Variants in CHRM3 observed in about 807,000 individuals in gnomAD.
CHRM3 encodes cholinergic receptor muscarinic 3.
In CHRM3, 11 loss-of-function variants were observed where a neutral mutation model predicts 41.8. The observed-to-expected ratio is 0.26, with a 90% CI of 0.17 to 0.44. The LOEUF (loss-of-function observed/expected upper bound fraction) is 0.44. CHRM3 is among the 20% of genes least tolerant of loss of function. CHRM3 has a pLI of 1.00. For missense variants in CHRM3, 571 were observed against 745.4 expected, an observed-to-expected ratio of 0.77 and a Z score of 2.72; for synonymous variants, 297 against 301.4, an observed-to-expected ratio of 0.99 and a Z score of 0.15.
chr1:239,670,563 T>C (rs1274758866), intron 4 of CHRM3, among the ~76,000 whole-genome samples: 2 of 152,050 alleles, frequency 1.3e-5, no homozygotes, highest in African/African-American at 2.4e-5. Context: ...CAGGCTGGAG[T>C]GCAGTGACAT....
intron 3 of CHRM3, among the ~76,000 whole-genome samples, chr1:239,628,255 A>G (rs1231369785): frequency 7.0e-5 from 3 of 42,588 alleles, no homozygotes; most frequent in African/African-American, 4.7e-4. Context: ...CATTCATTTC[A>G]TCTTCCATTG....
intron 5 of CHRM3, among the ~76,000 whole-genome samples, chr1:239,758,218 T>G (rs1296458085): frequency 6.6e-6 from 1 of 152,188 alleles, no homozygotes; most frequent in Non-Finnish European, 1.5e-5. Context: ...AATAAATGTC[T>G]CAAAATATTA....
intron 6 of CHRM3, among the ~76,000 whole-genome samples, chr1:239,844,800 T>G (rs1361091779): frequency 6.6e-6 from 1 of 152,102 alleles, no homozygotes; most frequent in Non-Finnish European, 1.5e-5. Context: ...GGCATAGCAG[T>G]TAGTCACCCC....
intron 2 of CHRM3, among the ~76,000 whole-genome samples, chr1:239,508,301 T>G (rs1236823213): frequency 6.6e-6 from 1 of 152,160 alleles, no homozygotes; most frequent in Admixed American, 6.5e-5. Context: ...AGCTCTGTAT[T>G]TCAGTATTTT....
intron 3 of CHRM3, among the ~76,000 whole-genome samples, chr1:239,559,704 T>C (rs1660686777): frequency 6.6e-6 from 1 of 152,214 alleles, no homozygotes; most frequent in Non-Finnish European, 1.5e-5. Flanking sequence ...TGTTATTAGA[T>C]GATGGTGACA....
At chr1:239,807,288 T>C (rs1173182546) in intron 5 of CHRM3, among the ~76,000 whole-genome samples, 1 of 152,222 alleles carries the variant, frequency 6.6e-6, no homozygotes, top group Non-Finnish European at 1.5e-5. Context: ...TCTTCTGGCC[T>C]TTTTATTATT....
chr1:239,580,704 T>TATATATATATACACACAC (rs570878631), intron 3 of CHRM3, among the ~76,000 whole-genome samples: 2 of 131,086 alleles, frequency 1.5e-5, no homozygotes, highest in African/African-American at 5.7e-5. Context: ...TATATATATA[T>TATATATATATACACACAC]ACACACACAC....
chr1:239,823,759 G>T (rs894991838), intron 5 of CHRM3, among the ~76,000 whole-genome samples: 18 of 152,032 alleles, frequency 1.2e-4, no homozygotes, highest in African/African-American at 4.1e-4. Context: ...CAATAGAACA[G>T]AAGACCCTTT....
At chr1:239,580,793 A>G (rs1662831478) in intron 3 of CHRM3, among the ~76,000 whole-genome samples, 2 of 148,842 alleles carry the variant, frequency 1.3e-5, no homozygotes, top group South Asian at 4.2e-4. Context: ...AATACATTAT[A>G]TATAGGTTAA....
In CHRM3 at chr1:239,908,718, A is replaced by G; in HGVS notation, c.1267A>G (p.Ser423Gly). The change falls in exon 7 of 7, where the codon AGC (serine) becomes GGC (glycine). Residue 423 changes from serine (S) to glycine (G), a missense_variant. This residue lies in a region of CHRM3 where 239 missense variants were observed against 239.6 expected (regional missense o/e 1.00). Coordinates refer to ENST00000676153, the MANE Select transcript of CHRM3 (RefSeq NM_001375978.1). The surrounding 1 kb of genome is among the most constrained non-coding windows in gnomAD (Gnocchi z 7.2). ...SVDDGGSFPK[S>G]FSKLPIQLES... ...GGACGATGGAGGCAGTTTTCCAAAA[A>G]GCTTCTCCAAGCTTCCCATCCAGCT... 6.2e-7 allele frequency: 1 copy of G among 1,613,148 alleles called. No homozygotes were observed. Among genetic ancestry groups the G allele is most frequent in the African/African-American group, 1.3e-5 (1 of 74,972 alleles).
At chr1:239,689,830 A>G (rs1391300743) in intron 5 of CHRM3, among the ~76,000 whole-genome samples, 1 of 152,192 alleles carries the variant, frequency 6.6e-6, no homozygotes, top group Non-Finnish European at 1.5e-5. Flanking sequence ...GATTTCAGTC[A>G]GCAGCTGTCC....
At chr1:239,787,720 A>G (rs1310986781) in intron 5 of CHRM3, among the ~76,000 whole-genome samples, 1 of 152,156 alleles carries the variant, frequency 6.6e-6, no homozygotes, top group Non-Finnish European at 1.5e-5. Context: ...AATCACCACA[A>G]CTAAGTTTAA....
At chr1:239,561,306 T>C (rs1198960966) in intron 3 of CHRM3, among the ~76,000 whole-genome samples, 2 of 152,200 alleles carry the variant, frequency 1.3e-5, no homozygotes, top group Non-Finnish European at 2.9e-5. Flanking sequence ...TACTCTCATT[T>C]GTGGCTTGCG....
chr1:239,529,609 C>CAAAAAAAAAAAAAA (rs74990447), intron 2 of CHRM3, among the ~76,000 whole-genome samples: 2 of 110,838 alleles, frequency 1.8e-5, no homozygotes, highest in African/African-American at 3.5e-5. Context: ...GACTCCGTCT[C>CAAAAAAAAAAAAAA]AAAAAAAAAA....
At chr1:239,895,813 T>C (rs78056796) in intron 6 of CHRM3, among the ~76,000 whole-genome samples, 3,850 of 152,162 alleles carry the variant, frequency 0.025, 157 homozygotes, top group African/African-American at 0.089. Context: ...ACCAGGGCCA[T>C]ACATGAGTGT....
intron 1 of CHRM3, among the ~76,000 whole-genome samples, chr1:239,474,468 G>A (rs979654327): frequency 3.3e-5 from 5 of 151,956 alleles, no homozygotes; most frequent in Admixed American, 6.6e-5. Flanking sequence ...GTAGATGCGG[G>A]TATATGTGTG....
intron 4 of CHRM3, among the ~76,000 whole-genome samples, chr1:239,668,976 T>G (rs1056220254): frequency 8.5e-5 from 13 of 152,220 alleles, no homozygotes; most frequent in African/African-American, 2.9e-4. Context: ...CCTGCATAGT[T>G]GAACACTATC....
chr1:239,684,194 T>C (rs1179227183), intron 5 of CHRM3, among the ~76,000 whole-genome samples: 1 of 152,144 alleles, frequency 6.6e-6, no homozygotes, highest in Non-Finnish European at 1.5e-5. Context: ...TTGTTTCCCC[T>C]TTAATCTGCT....
intron 1 of CHRM3, among the ~76,000 whole-genome samples, chr1:239,398,516 G>C (rs951604544): frequency 2.6e-5 from 4 of 152,132 alleles, no homozygotes; most frequent in African/African-American, 9.7e-5. Context: ...GGGATTACAG[G>C]CATGAGCCAC....
Sources: gnomAD v4.1 joint callset for allele counts (sites outside exome capture counted in the v4.1 genomes callset) on GRCh38, gnomAD v4.1.1 for gene constraint, gnomAD v4.1.1 regional missense constraint, Gnocchi (gnomAD v3.1) non-coding constraint, MANE v1.5 for transcripts, NCBI Gene and HGNC (gene_info 2026-07-23, HGNC 2026-07-21) for gene names.